The following BLK variants were observed in gnomAD, a reference collection of about 807,000 sequenced individuals.
BLK encodes the protein tyrosine-protein kinase Blk.
Under a neutral mutation model 61.8 loss-of-function variants are expected in BLK, and 64 were observed. The ratio of observed to expected loss-of-function variants is 1.03; its 90% CI spans 0.85 to 1.27. BLK has a LOEUF of 1.27. BLK is among the 50% of genes most tolerant of loss of function. BLK has a pLI of 0.00. For synonymous variants in BLK, 351 were observed against 272.0 expected (o/e 1.29, Z -2.86); for missense variants, 853 against 660.5 (o/e 1.29, Z -3.19).
At chr8:11,553,066 T>G in intron 6 of BLK, 1 of 170,344 alleles carries the variant, frequency 5.9e-6, no homozygotes, top group Non-Finnish European at 1.3e-5. Context: ...ACAGATGCAA[T>G]GAACACGTGT....
At chr8:11,518,801 G>T (rs1316767331) in intron 1 of BLK, among the ~76,000 whole-genome samples, 2 of 152,136 alleles carry the variant, frequency 1.3e-5, no homozygotes, top group Non-Finnish European at 2.9e-5. Flanking sequence ...TGGCTGCTCT[G>T]CTCCAAGTGC....
At chr8:11,522,847 G>A (rs1799509040) in intron 1 of BLK, among the ~76,000 whole-genome samples, 1 of 152,054 alleles carries the variant, frequency 6.6e-6, no homozygotes, top group African/African-American at 2.4e-5. Flanking sequence ...GCTTATACAT[G>A]TCGTAAATGT....
chr8:11,521,551 A>G (rs1799447541), intron 1 of BLK, among the ~76,000 whole-genome samples: 1 of 152,238 alleles, frequency 6.6e-6, no homozygotes, highest in African/African-American at 2.4e-5. Flanking sequence ...TTAGCCTCCC[A>G]AAGTGCTGGG....
chr8:11,543,395 A>G (rs750605668), intron 2 of BLK, 48 bp downstream of exon 2: 1 of 1,607,004 alleles, frequency 6.2e-7, no homozygotes, highest in Non-Finnish European at 8.5e-7. Flanking sequence ...TACTTCTCCT[A>G]TGCCTTAATG....
intron 1 of BLK, among the ~76,000 whole-genome samples, chr8:11,535,800 G>A (rs553761725): frequency 2.0e-5 from 3 of 152,228 alleles, no homozygotes; most frequent in Non-Finnish European, 4.4e-5. Flanking sequence ...ACCAAGAGGG[G>A]CTGAGCTTGA....
chr8:11,539,183 T>C (rs1470682525), intron 1 of BLK, among the ~76,000 whole-genome samples: 1 of 151,810 alleles, frequency 6.6e-6, no homozygotes, highest in Non-Finnish European at 1.5e-5. Flanking sequence ...CCCAGCCTCT[T>C]TCTGTGTAAT....
intron 1 of BLK, among the ~76,000 whole-genome samples, chr8:11,503,837 C>A (rs923636447): frequency 2.6e-5 from 4 of 152,174 alleles, no homozygotes; most frequent in Non-Finnish European, 5.9e-5. Flanking sequence ...ATCTTCCACC[C>A]TCCCCTGCTG....
intron 1 of BLK, among the ~76,000 whole-genome samples, chr8:11,527,417 C>G (rs1799701381): frequency 6.6e-6 from 1 of 152,112 alleles, no homozygotes; most frequent in Non-Finnish European, 1.5e-5. Flanking sequence ...TATGCTACCT[C>G]CAACCACTGA....
At chr8:11,563,459 C>T (rs1801583946) in intron 12 of BLK, among the ~76,000 whole-genome samples, 1 of 152,202 alleles carries the variant, frequency 6.6e-6, no homozygotes, top group Middle Eastern at 3.2e-3. Context: ...TCCCCAAAGC[C>T]CCTTCCTGTG....
At chr8:11,531,187 G>A (rs1165302984) in intron 1 of BLK, among the ~76,000 whole-genome samples, 1 of 152,112 alleles carries the variant, frequency 6.6e-6, no homozygotes, top group African/African-American at 2.4e-5. Flanking sequence ...TTCTTTTATA[G>A]AGTTTAAAAG....
At chr8:11,513,929 C>T (rs1220758648) in intron 1 of BLK, among the ~76,000 whole-genome samples, 1 of 152,134 alleles carries the variant, frequency 6.6e-6, no homozygotes, top group Non-Finnish European at 1.5e-5. Context: ...GAAGCCTGCA[C>T]CTTGGAAATA....
chr8:11,523,504 G>A (rs1336545954), intron 1 of BLK, among the ~76,000 whole-genome samples: 2 of 152,102 alleles, frequency 1.3e-5, no homozygotes, highest in Admixed American at 6.6e-5. Flanking sequence ...AGTGAGCTGC[G>A]ATGGCGCCAC....
At position 11,543,249 on chromosome 8, in the gene BLK, C is replaced by A. The variant is rs748344961; in HGVS notation, c.25C>A (p.Pro9Thr). The A allele has an allele frequency of 6.2e-7, 1 of 1,613,936 alleles. No individual in the cohort carries two copies. The highest frequency in any genetic ancestry group is 1.3e-5 in the African/African-American group (1 of 74,998). The change falls in exon 2 of 13, where the codon CCG (proline) becomes ACG (threonine). Residue 9 changes from proline to threonine, a missense_variant. Coordinates refer to ENST00000259089, the MANE Select transcript of BLK (RefSeq NM_001715.3). ...GATGGGGCTGGTAAGTAGCAAAAAG[C>A]CGGACAAGGAAAAGCCGATCAAAGA... MGLVSSKK[P>T]DKEKPIKEKD... is the part of the protein sequence containing the mutation.
At chr8:11,532,781 T>C (rs997166098) in intron 1 of BLK, among the ~76,000 whole-genome samples, 4 of 152,266 alleles carry the variant, frequency 2.6e-5, no homozygotes, top group African/African-American at 9.6e-5. Flanking sequence ...CAATTGTTAC[T>C]GGATGACAGG....
intron 1 of BLK, among the ~76,000 whole-genome samples, chr8:11,498,226 G>A (rs144565676): frequency 1.6e-3 from 250 of 152,302 alleles, no homozygotes; most frequent in African/African-American, 5.8e-3. Context: ...TGCTCAGGTC[G>A]TTCAAGTGCA....
At chr8:11,563,727 A>G (rs1801596056) in intron 12 of BLK, among the ~76,000 whole-genome samples, 176 bp from the exon 13 acceptor site, 1 of 152,252 alleles carries the variant, frequency 6.6e-6, no homozygotes, top group Non-Finnish European at 1.5e-5. Flanking sequence ...AAAAGTAAAT[A>G]AAGGGCTGTT....
At chr8:11,518,644 A>G (rs1359885617) in intron 1 of BLK, among the ~76,000 whole-genome samples, 3 of 151,796 alleles carry the variant, frequency 2.0e-5, no homozygotes, top group African/African-American at 7.3e-5. Context: ...GCACCCCACA[A>G]TCTCCTCCAC....
chr8:11,504,364 G>GAAGGAAGGAAGGAAGA (rs1798681807), intron 1 of BLK, among the ~76,000 whole-genome samples: 1 of 30,408 alleles, frequency 3.3e-5, no homozygotes, highest in African/African-American at 1.4e-4. Context: ...AGGAAGGAAG[G>GAAGGAAGGAAGGAAGA]AAGAAAGAAA....
At chr8:11,520,741 A>G (rs963511954) in intron 1 of BLK, among the ~76,000 whole-genome samples, 11 of 152,166 alleles carry the variant, frequency 7.2e-5, no homozygotes, top group African/African-American at 2.7e-4. Context: ...TACAACATCT[A>G]CACATTTCGA....
Sources: allele counts gnomAD v4.1 joint callset (sites outside exome capture counted in the v4.1 genomes callset), GRCh38; gene constraint gnomAD v4.1.1; transcripts MANE v1.5; gene names NCBI Gene and HGNC (gene_info 2026-07-23, HGNC 2026-07-21).